MLIP: variants seen among roughly 807,000 people sequenced by gnomAD.
MLIP encodes the protein muscular LMNA interacting protein.
A neutral mutation model predicts 84.8 loss-of-function variants in MLIP; 79 were observed. That is an observed-to-expected ratio of 0.93 (90% CI 0.78 to 1.12). The LOEUF (loss-of-function observed/expected upper bound fraction) is 1.12. Ranked by LOEUF, MLIP falls within the 50% of genes most tolerant of loss-of-function variation. MLIP has a pLI of 0.00. For synonymous variants in MLIP, 504 were observed against 463.0 expected (o/e 1.09, Z -1.14); for missense variants, 1,257 against 1,160.6 (o/e 1.08, Z -1.21).
chr6:54,230,425 A>G (rs1780905389), intron 11 of MLIP, among the ~76,000 whole-genome samples: 1 of 152,134 alleles, frequency 6.6e-6, no homozygotes, highest in Non-Finnish European at 1.5e-5. Context: ...CCTTACAGAT[A>G]TCTCCCCTTA....
intron 12 of MLIP, among the ~76,000 whole-genome samples, chr6:54,256,452 C>T (rs758605635): frequency 1.3e-4 from 20 of 151,998 alleles, no homozygotes; most frequent in Non-Finnish European, 2.8e-4. Flanking sequence ...CCTGGTTTGC[C>T]GGGAAGGATG....
chr6:54,165,566 A>C (rs536068804), intron 8 of MLIP, among the ~76,000 whole-genome samples: 3 of 152,044 alleles, frequency 2.0e-5, no homozygotes, highest in African/African-American at 7.2e-5. Context: ...AGAATACGTA[A>C]AAACAGAACA....
chr6:54,152,083 C>T (rs2150531488), intron 5 of MLIP, among the ~76,000 whole-genome samples: 1 of 152,188 alleles, frequency 6.6e-6, no homozygotes, highest in South Asian at 2.1e-4. Context: ...GCATTTATAG[C>T]TTAAGTCTTA....
At chr6:54,022,679 G>GA (rs138236728) in intron 1 of MLIP, among the ~76,000 whole-genome samples, 6,407 of 149,756 alleles carry the variant, frequency 0.043, 439 homozygotes, top group African/African-American at 0.14. Context: ...TAATGAAAAG[G>GA]AAAAAAAAAT....
At chr6:54,255,137 C>T (rs980334440) in intron 12 of MLIP, among the ~76,000 whole-genome samples, 1 of 152,090 alleles carries the variant, frequency 6.6e-6, no homozygotes, top group African/African-American at 2.4e-5. Context: ...CCATTCACTT[C>T]CCCTGTCTCT....
chr6:54,160,339 A>G, intron 5 of MLIP, 28 bp from the exon 6 acceptor site: 2 of 1,591,512 alleles, frequency 1.3e-6, no homozygotes, highest in South Asian at 2.2e-5. Context: ...TAGAAGCCTC[A>G]TATAAGAACT....
intron 12 of MLIP, among the ~76,000 whole-genome samples, chr6:54,233,487 G>A (rs900855864): frequency 6.6e-6 from 1 of 152,104 alleles, no homozygotes; most frequent in African/African-American, 2.4e-5. Context: ...CTTCATCCAT[G>A]TCCCTGCAGA....
At chr6:54,150,131 G>A (rs1176137296) in intron 5 of MLIP, among the ~76,000 whole-genome samples, 17 of 152,072 alleles carry the variant, frequency 1.1e-4, no homozygotes, top group Admixed American at 1.0e-3. Context: ...TAAAACCTTT[G>A]TATGATCTCT....
At chr6:54,179,946 A>C (rs1310600814) in intron 9 of MLIP, among the ~76,000 whole-genome samples, 1 of 152,106 alleles carries the variant, frequency 6.6e-6, no homozygotes, top group African/African-American at 2.4e-5. Flanking sequence ...TTTCTTTCAA[A>C]TTGAAGAGCC....
At chr6:54,081,702 C>A (rs1224011839) in intron 1 of MLIP, among the ~76,000 whole-genome samples, 1 of 152,098 alleles carries the variant, frequency 6.6e-6, no homozygotes, top group Non-Finnish European at 1.5e-5. Context: ...CGTGAGGCAC[C>A]GCGCCCGGCC....
At chr6:54,177,352 AAAAC>A (rs1214176528) in intron 9 of MLIP, among the ~76,000 whole-genome samples, 3 of 152,152 alleles carry the variant, frequency 2.0e-5, no homozygotes, top group African/African-American at 7.2e-5. Context: ...TTAAAAGAAA[AAAAC>A]AAACAACCCC....
At chr6:54,232,887 C>T (rs1246448384) in intron 12 of MLIP, among the ~76,000 whole-genome samples, 1 of 152,170 alleles carries the variant, frequency 6.6e-6, no homozygotes, top group African/African-American at 2.4e-5. Flanking sequence ...TCTTTAGAGT[C>T]CCTCTTCAGC....
intron 12 of MLIP, among the ~76,000 whole-genome samples, chr6:54,244,241 TA>T (rs1395425623): frequency 3.9e-5 from 6 of 152,214 alleles, no homozygotes; most frequent in African/African-American, 1.4e-4. Flanking sequence ...CTCTCAATTC[TA>T]AAACTTTTCT....
chr6:54,104,429 C>A (rs548792479), intron 1 of MLIP, among the ~76,000 whole-genome samples: 1 of 152,288 alleles, frequency 6.6e-6, no homozygotes, highest in Non-Finnish European at 1.5e-5. Context: ...GTATTCCCAA[C>A]TGTTTGCTAC....
chr6:54,159,836 A>T (rs551926478), intron 5 of MLIP, among the ~76,000 whole-genome samples: 41 of 152,178 alleles, frequency 2.7e-4, no homozygotes, highest in African/African-American at 9.1e-4. Context: ...GCTAGTTCCC[A>T]TCATTAGAGA....
At chr6:54,189,105 G>A (rs894834210) in intron 9 of MLIP, among the ~76,000 whole-genome samples, 5 of 152,164 alleles carry the variant, frequency 3.3e-5, no homozygotes, top group Non-Finnish European at 7.4e-5. Flanking sequence ...AAGGAAACTA[G>A]GGAGCAGGGG....
intron 1 of MLIP, among the ~76,000 whole-genome samples, chr6:54,023,142 G>C (rs1324996679): frequency 6.7e-6 from 1 of 150,060 alleles, no homozygotes; most frequent in Admixed American, 6.7e-5. Context: ...ACTCCAGCCT[G>C]GGCGACAGAG....
At chr6:54,039,072 T>G (rs571591304) in intron 1 of MLIP, among the ~76,000 whole-genome samples, 1 of 152,040 alleles carries the variant, frequency 6.6e-6, no homozygotes, top group East Asian at 1.9e-4. Context: ...AGTAACTTTT[T>G]AAGATTGCCA....
At chr6:54,063,425 T>C (rs190408431) in intron 1 of MLIP, 1 of 152,276 alleles carries the variant, frequency 6.6e-6, no homozygotes, top group East Asian at 1.9e-4. Context: ...TTTAAACTTA[T>C]TTGTTTTGTA....
Sources: allele counts gnomAD v4.1 joint callset (sites outside exome capture counted in the v4.1 genomes callset), GRCh38; gene constraint gnomAD v4.1.1; transcripts MANE v1.5; gene names NCBI Gene and HGNC (gene_info 2026-07-23, HGNC 2026-07-21).